The following FABP6 variants were observed in gnomAD, a reference collection of about 807,000 sequenced individuals.
FABP6 encodes fatty acid binding protein 6.
FABP6 carries 13 observed loss-of-function variants against 14.9 expected under a neutral mutation model. The ratio of observed to expected loss-of-function variants is 0.87; its 90% CI spans 0.57 to 1.39. The LOEUF is 1.39. FABP6 is among the 40% of genes most tolerant of loss of function. The pLI, the probability that FABP6 is intolerant of heterozygous loss-of-function variation, is 0.00. For synonymous variants in FABP6, 75 were observed against 63.6 expected (o/e 1.18, Z -0.85); for missense variants, 161 against 167.2 (o/e 0.96, Z 0.20).
chr5:160,237,877 A>G (rs952540591), intron 3 of FABP6, among the ~76,000 whole-genome samples: 1 of 151,902 alleles, frequency 6.6e-6, no homozygotes, highest in Admixed American at 6.6e-5. Flanking sequence ...TCCAAATCCA[A>G]TTCTTCAGGA....
chr5:160,192,139 C>T (rs1759406845), intron 1 of FABP6, among the ~76,000 whole-genome samples: 1 of 152,110 alleles, frequency 6.6e-6, no homozygotes, highest in Admixed American at 6.5e-5. Context: ...GGTAAAGGCC[C>T]CAATGTCACC....
At chr5:160,190,500 G>A (rs1759373891) in intron 1 of FABP6, among the ~76,000 whole-genome samples, 1 of 152,200 alleles carries the variant, frequency 6.6e-6, no homozygotes, top group Admixed American at 6.5e-5. Flanking sequence ...CCAAAGTGCT[G>A]GGATTACAGG....
At chr5:160,222,819 C>T (rs1006365908) in intron 3 of FABP6, among the ~76,000 whole-genome samples, 1 of 152,168 alleles carries the variant, frequency 6.6e-6, no homozygotes, top group Non-Finnish European at 1.5e-5. Flanking sequence ...TAAAGTAATT[C>T]AATCCCAATT....
intron 1 of FABP6, chr5:160,198,822 C>T: frequency 2.3e-6 from 1 of 434,872 alleles, no homozygotes; most frequent in Non-Finnish European, 4.1e-6. Flanking sequence ...CTGAAAACGA[C>T]CTCTTCAAAT....
At chr5:160,229,948 A>G (rs1304377270) in intron 1 of FABP6, among the ~76,000 whole-genome samples, 1 of 150,806 alleles carries the variant, frequency 6.6e-6, no homozygotes, top group African/African-American at 2.4e-5. Flanking sequence ...ATCTCGGCTC[A>G]CTGCAACCTT....
chr5:160,194,228 A>G (rs552721842), intron 1 of FABP6, among the ~76,000 whole-genome samples: 1 of 152,208 alleles, frequency 6.6e-6, no homozygotes, highest in Non-Finnish European at 1.5e-5. Flanking sequence ...CGGCAACTCC[A>G]GCTGGCCCGC....
In FABP6 at chr5:160,204,702, G is replaced by A. The variant is rs1369758804; in HGVS notation, c.51+5545G>A. ...GACGGGGTTTCGCCATATTGGGCAG[G>A]CTGGTCTCGAACTCCTTACCTCAGG... On this transcript the variant is annotated intron_variant, in intron 2 of 6. Coordinates refer to the FABP6 transcript ENST00000393980. 4.6e-5 allele frequency: 7 copies of A among 152,238 alleles called. No homozygotes were observed. In the South Asian group the frequency reaches 1.5e-3, roughly 32 times the overall value. The allele number at this position is 152,238 out of a possible 1,614,324, so 9.4% of individuals were successfully genotyped here.
At chr5:160,235,615 T>C (rs979422118) in intron 3 of FABP6, among the ~76,000 whole-genome samples, 3 of 152,190 alleles carry the variant, frequency 2.0e-5, no homozygotes, top group Non-Finnish European at 4.4e-5. Flanking sequence ...CCATACTTCA[T>C]TCCCTCACTG....
At chr5:160,223,958 C>A (rs764561900) in intron 3 of FABP6, among the ~76,000 whole-genome samples, 1 of 146,978 alleles carries the variant, frequency 6.8e-6, no homozygotes, top group Non-Finnish European at 1.5e-5. Context: ...AAAAATTGGC[C>A]GGGCGCAGTG....
At chr5:160,219,167 C>A (rs1760079975) in intron 3 of FABP6, among the ~76,000 whole-genome samples, 1 of 152,150 alleles carries the variant, frequency 6.6e-6, no homozygotes, top group Non-Finnish European at 1.5e-5. Flanking sequence ...TTCACTTACT[C>A]TATGCAAGAC....
intron 1 of FABP6, among the ~76,000 whole-genome samples, chr5:160,194,833 C>T (rs1759478696): frequency 6.6e-6 from 1 of 152,184 alleles, no homozygotes; most frequent in African/African-American, 2.4e-5. Context: ...TCCATATTCC[C>T]CACTCCCTGC....
chr5:160,194,472 T>C (rs541485986), intron 1 of FABP6, among the ~76,000 whole-genome samples: 76 of 152,114 alleles, frequency 5.0e-4, no homozygotes, highest in Admixed American at 9.2e-4. Context: ...TATCTCTCAT[T>C]TGAGGCTGCA....
chr5:160,189,139 T>C (rs547865327), intron 1 of FABP6, among the ~76,000 whole-genome samples: 1 of 152,290 alleles, frequency 6.6e-6, no homozygotes, highest in African/African-American at 2.4e-5. Flanking sequence ...AAGGCAGCCA[T>C]GGATAAGACA....
At chr5:160,231,397 TCTGG>T (rs1760377647) in intron 1 of FABP6, among the ~76,000 whole-genome samples, 2 of 152,346 alleles carry the variant, frequency 1.3e-5, no homozygotes, top group South Asian at 2.1e-4. Context: ...ACAGTCTTTC[TCTGG>T]CAGGGAGGAG....
intron 1 of FABP6, among the ~76,000 whole-genome samples, chr5:160,189,223 G>A (rs1257244205): frequency 6.6e-6 from 1 of 152,092 alleles, no homozygotes; most frequent in Non-Finnish European, 1.5e-5. Flanking sequence ...CACAGGTCAA[G>A]AAATCGTATT....
chr5:160,210,141 G>A (rs1388279553), intron 2 of FABP6, among the ~76,000 whole-genome samples: 1 of 152,196 alleles, frequency 6.6e-6, no homozygotes, highest in Non-Finnish European at 1.5e-5. Context: ...CTAGGTGGAA[G>A]CATGAGTCAC....
intron 2 of FABP6, among the ~76,000 whole-genome samples, chr5:160,200,301 C>T (rs575601101): frequency 2.4e-4 from 37 of 152,304 alleles, no homozygotes; most frequent in African/African-American, 8.2e-4. Context: ...CAGACCTAGG[C>T]CCAGAATCCC....
At chr5:160,220,658 A>T in intron 3 of FABP6, among the ~76,000 whole-genome samples, 1 of 151,990 alleles carries the variant, frequency 6.6e-6, no homozygotes, top group Non-Finnish European at 1.5e-5. Flanking sequence ...AATTCTTCTC[A>T]TATTAGCCTT....
At chr5:160,227,846 GTGTGTCTGTC>G (rs1760284427), upstream of FABP6, among the ~76,000 whole-genome samples, 1 of 149,106 alleles carries the variant, frequency 6.7e-6, no homozygotes, top group Non-Finnish European at 1.5e-5. Context: ...GTGTGTGTGT[GTGTGTCTGTC>G]TGTCTGTCTG....
Sources: allele counts gnomAD v4.1 joint callset (sites outside exome capture counted in the v4.1 genomes callset), GRCh38; gene constraint gnomAD v4.1.1; transcripts MANE v1.5; gene names NCBI Gene and HGNC (gene_info 2026-07-23, HGNC 2026-07-21).